FILIP1: variants seen among roughly 807,000 people sequenced by gnomAD.
FILIP1 encodes filamin-A-interacting protein 1.
Under a neutral mutation model 102.1 loss-of-function variants are expected in FILIP1, and 61 were observed. The ratio of observed to expected loss-of-function variants is 0.60; its 90% confidence interval spans 0.49 to 0.74. FILIP1 has a LOEUF of 0.74. Among genes scored for constraint, FILIP1 ranks in the 30% least tolerant of loss-of-function variants. FILIP1 has a pLI of 0.00. For missense variants in FILIP1, 1,314 were observed against 1,441.2 expected (o/e 0.91, Z 1.43); for synonymous variants, 491 against 526.9 (o/e 0.93, Z 0.93).
At chr6:75,334,123 C>T (rs1774165426) in intron 4 of FILIP1, among the ~76,000 whole-genome samples, 1 of 152,142 alleles carries the variant, frequency 6.6e-6, no homozygotes, top group African/African-American at 2.4e-5. Context: ...AAATTAGTTG[C>T]TTGCTCATCA....
intron 2 of FILIP1, among the ~76,000 whole-genome samples, chr6:75,380,608 T>A (rs993354329): frequency 6.6e-6 from 1 of 152,166 alleles, no homozygotes; most frequent in African/African-American, 2.4e-5. Flanking sequence ...TTAATTGAGT[T>A]GTTTAAAAAG....
chr6:75,348,117 T>C (rs1045199297), intron 4 of FILIP1, among the ~76,000 whole-genome samples: 1 of 145,760 alleles, frequency 6.9e-6, no homozygotes, highest in Non-Finnish European at 1.5e-5. Flanking sequence ...AATATTTCTT[T>C]AAGTCTCAGA....
At chr6:75,436,273 G>A (rs1582502965) in intron 1 of FILIP1, among the ~76,000 whole-genome samples, 1 of 152,178 alleles carries the variant, frequency 6.6e-6, no homozygotes, top group South Asian at 2.1e-4. Context: ...TTGGGAGGCT[G>A]AGGGGAGGAT....
chr6:75,311,107 T>C (rs544847590), intron 5 of FILIP1, among the ~76,000 whole-genome samples: 1 of 152,328 alleles, frequency 6.6e-6, no homozygotes, highest in East Asian at 1.9e-4. Context: ...TCTTCTATAA[T>C]TACATTTGCC....
At chr6:75,331,006 A>G (rs1035599984) in intron 4 of FILIP1, among the ~76,000 whole-genome samples, 1 of 152,210 alleles carries the variant, frequency 6.6e-6, no homozygotes, top group Admixed American at 6.5e-5. Context: ...AAAGTTCATG[A>G]CTAATAACAA....
exon 7 of FILIP1, chr6:75,293,421 G>A (rs1006870901): frequency 1.3e-5 from 2 of 152,050 alleles, no homozygotes; most frequent in Admixed American, 6.6e-5. Context: ...TTTTCTGGGG[G>A]TTTTTTGGTT....
chr6:75,384,794 CTT>C (rs34553296), intron 2 of FILIP1: 92 of 127,864 alleles, frequency 7.2e-4, no homozygotes, highest in Non-Finnish European at 7.5e-4. Flanking sequence ...AATTTAATTG[CTT>C]TTTTTTTTTT....
intron 2 of FILIP1, among the ~76,000 whole-genome samples, chr6:75,395,156 C>T (rs1776417920): frequency 6.6e-6 from 1 of 152,102 alleles, no homozygotes; most frequent in African/African-American, 2.4e-5. Flanking sequence ...ATATAATATG[C>T]TCTCATTTGT....
intron 1 of FILIP1, among the ~76,000 whole-genome samples, chr6:75,433,201 T>G (rs772361378): frequency 7.2e-4 from 109 of 152,256 alleles, no homozygotes; most frequent in Non-Finnish European, 9.9e-4. Context: ...CCAGTAATGG[T>G]ATGGCTGGGT....
chr6:75,376,044 C>T (rs1480662747), intron 2 of FILIP1, among the ~76,000 whole-genome samples: 1 of 152,128 alleles, frequency 6.6e-6, no homozygotes, highest in African/African-American at 2.4e-5. Context: ...TCCCCCTCCA[C>T]TTAAAAAATA....
chr6:75,485,974 C>CAT (rs1779774842), intron 1 of FILIP1, among the ~76,000 whole-genome samples: 2 of 131,530 alleles, frequency 1.5e-5, no homozygotes, highest in Admixed American at 7.4e-5. Context: ...CCAAAACACA[C>CAT]ACACACACAC....
chr6:75,356,798 T>C (rs1014780325), intron 3 of FILIP1, among the ~76,000 whole-genome samples: 1 of 152,196 alleles, frequency 6.6e-6, no homozygotes, highest in Non-Finnish European at 1.5e-5. Context: ...GGACAGTCTA[T>C]ACATGAGGTT....
At chr6:75,484,354 T>G (rs1779725319) in intron 1 of FILIP1, among the ~76,000 whole-genome samples, 1 of 152,194 alleles carries the variant, frequency 6.6e-6, no homozygotes, top group Admixed American at 6.5e-5. Context: ...TAGTACTATC[T>G]TCTTTAAAAT....
intron 1 of FILIP1, among the ~76,000 whole-genome samples, chr6:75,435,179 A>G (rs1433882938): frequency 6.6e-6 from 1 of 152,242 alleles, no homozygotes; most frequent in East Asian, 1.9e-4. Context: ...AGGCTTTGGT[A>G]TCACGATAAT....
intron 1 of FILIP1, among the ~76,000 whole-genome samples, chr6:75,468,407 C>T (rs914907302): frequency 3.9e-5 from 6 of 152,114 alleles, no homozygotes; most frequent in Admixed American, 3.9e-4. Flanking sequence ...GTCATATCCA[C>T]AGAGATATGT....
Position 75,314,431 on chromosome 6 carries a change from T to A in FILIP1, c.1401A>T (p.Leu467=). Residue 467 remains leucine (L), a synonymous_variant, in exon 5 of 6, where the codon CTA becomes CTT. Coordinates refer to ENST00000237172, the MANE Select transcript of FILIP1 (RefSeq NM_015687.5). The stretch of plus-strand genomic sequence containing the variant: ...GACTCTTGACCACCTCCAATTCATT[T>A]AGCAGGTCTTTGGTTAAGTTCTTTT... ...EKEKNLTKDL[L]NELEVVKSRV... 1 of 1,564,902 alleles carries A rather than the reference T, an allele frequency of 6.4e-7. No individual in the cohort carries two copies. Among genetic ancestry groups the A allele is most frequent in the South Asian group, 1.2e-5 (1 of 80,518 alleles).
intron 1 of FILIP1, among the ~76,000 whole-genome samples, chr6:75,435,351 AGATGATTTTAAATCATTG>A (rs1326308344): frequency 6.6e-6 from 1 of 152,248 alleles, no homozygotes; most frequent in Non-Finnish European, 1.5e-5. Context: ...TTTCTTCAGA[AGATGATTTTAAATCATTG>A]GAGATTTCTT....
chr6:75,319,338 T>C (rs1315095255), intron 4 of FILIP1: 4 of 640,796 alleles, frequency 6.2e-6, no homozygotes, highest in Non-Finnish European at 1.2e-5. Context: ...TTTTGGGCGA[T>C]ACTCAGAGCA....
chr6:75,479,868 CAAA>C (rs58566488), intron 1 of FILIP1, among the ~76,000 whole-genome samples: 2 of 42,852 alleles, frequency 4.7e-5, no homozygotes, highest in South Asian at 1.6e-3. Context: ...AGCTGTATCT[CAAA>C]AAAAAAAAAA....
Sources: gnomAD v4.1 joint callset for allele counts (sites outside exome capture counted in the v4.1 genomes callset) on GRCh38, gnomAD v4.1.1 for gene constraint, MANE v1.5 for transcripts, NCBI Gene and HGNC (gene_info 2026-07-23, HGNC 2026-07-21) for gene names.